LHFPL2: variants seen among roughly 807,000 people sequenced by gnomAD.
The protein encoded by LHFPL2 is LHFPL tetraspan subfamily member 2 protein.
In LHFPL2, 7 loss-of-function variants were observed where a neutral mutation model predicts 17.5. That is an observed-to-expected ratio of 0.40 (90% CI 0.23 to 0.75). The LOEUF (loss-of-function observed/expected upper bound fraction) is 0.75. Ranked by LOEUF, LHFPL2 falls within the 30% of genes least tolerant of loss-of-function variation. The pLI is 0.37. For missense variants in LHFPL2, 241 were observed against 294.8 expected (o/e 0.82, Z 1.34); for synonymous variants, 134 against 116.2 (o/e 1.15, Z -0.99).
intron 3 of LHFPL2, among the ~76,000 whole-genome samples, chr5:78,520,671 G>A (rs1755426106): frequency 6.6e-6 from 1 of 152,204 alleles, no homozygotes; most frequent in African/African-American, 2.4e-5. Flanking sequence ...ACTACACAAT[G>A]GCCCTGGCCA....
At chr5:78,588,430 A>G (rs1743513024) in intron 2 of LHFPL2, among the ~76,000 whole-genome samples, 1 of 152,240 alleles carries the variant, frequency 6.6e-6, no homozygotes, top group African/African-American at 2.4e-5. Flanking sequence ...AGTCAAGTGG[A>G]AAAAGTTCTT....
chr5:78,581,685 G>A (rs1379649010), intron 2 of LHFPL2, among the ~76,000 whole-genome samples: 4 of 149,706 alleles, frequency 2.7e-5, no homozygotes, highest in African/African-American at 4.9e-5. Context: ...TGTTGGATTC[G>A]GTTTCCCAGT....
intron 4 of LHFPL2, 106 bp downstream of exon 4, chr5:78,509,678 G>T: frequency 8.9e-7 from 1 of 1,122,976 alleles, no homozygotes; most frequent in Non-Finnish European, 1.3e-6. Flanking sequence ...GACAGAAAGT[G>T]GTCTTCTCCA....
chr5:78,491,680 C>G (rs1045142613), intron 4 of LHFPL2, among the ~76,000 whole-genome samples: 4 of 152,150 alleles, frequency 2.6e-5, no homozygotes, highest in African/African-American at 7.2e-5. Context: ...AGCTGAGTGA[C>G]CGACATACGA....
intron 1 of LHFPL2, among the ~76,000 whole-genome samples, chr5:78,643,116 A>G (rs1435960516): frequency 6.6e-6 from 1 of 152,168 alleles, no homozygotes; most frequent in Non-Finnish European, 1.5e-5. Context: ...CTCAGTGCTC[A>G]AGACCCCAAA....
intron 4 of LHFPL2, among the ~76,000 whole-genome samples, chr5:78,505,062 G>T (rs1280248346): frequency 6.6e-6 from 1 of 152,176 alleles, no homozygotes; most frequent in East Asian, 1.9e-4. Flanking sequence ...CAGTTTAATG[G>T]CTTCGGTCCC....
intron 2 of LHFPL2, among the ~76,000 whole-genome samples, chr5:78,628,285 A>C (rs757782187): frequency 9.2e-5 from 14 of 152,158 alleles, no homozygotes; most frequent in Non-Finnish European, 1.8e-4. Context: ...CTGCTCCTCT[A>C]ATTTAAGGCC....
intron 2 of LHFPL2, among the ~76,000 whole-genome samples, chr5:78,628,837 A>G (rs1040355228): frequency 6.6e-6 from 1 of 152,246 alleles, no homozygotes; most frequent in African/African-American, 2.4e-5. Flanking sequence ...TCAAGTAAGT[A>G]GATGAAATGC....
At chr5:78,552,852 G>A (rs370114618) in intron 3 of LHFPL2, among the ~76,000 whole-genome samples, 23 of 152,266 alleles carry the variant, frequency 1.5e-4, no homozygotes, top group South Asian at 4.1e-4. Context: ...TCAACAAAGC[G>A]TCACGGGCTA....
intron 3 of LHFPL2, among the ~76,000 whole-genome samples, chr5:78,541,835 C>A (rs1301390115): frequency 6.6e-6 from 1 of 152,212 alleles, no homozygotes; most frequent in Admixed American, 6.5e-5. Context: ...GTGCCTGCGA[C>A]CTGATTAGGA....
intron 4 of LHFPL2, chr5:78,494,640 G>C (rs1365227660): frequency 2.6e-6 from 1 of 385,778 alleles, no homozygotes; most frequent in Non-Finnish European, 3.5e-6. Context: ...CGATGGTCAT[G>C]GTATTGTATT....
intron 1 of LHFPL2, among the ~76,000 whole-genome samples, chr5:78,639,545 T>TGTA (rs1282894952): frequency 1.3e-5 from 2 of 152,136 alleles, no homozygotes; most frequent in Non-Finnish European, 2.9e-5. Flanking sequence ...AAAGGCCCAC[T>TGTA]GTAAGAAGGA....
rs1412178050 is a variant in LHFPL2, at chr5:78,487,010, C to CTCTT, written c.*1883_*1886dup. The CTCTT allele has an allele frequency of 1.1e-4, 17 of 152,310 alleles. No homozygotes were observed. Among genetic ancestry groups the CTCTT allele is most frequent in the Admixed American group, 2.0e-4 (3 of 15,300 alleles). The allele number at this position is 152,310 out of a possible 1,614,324, so 9.4% of individuals were successfully genotyped here. ...AGCTTTGTCCAGTGGCTCCTCCAGCCTCTTTCTGTGTGGTGTTAGAGATAT... is the reference window on the plus strand; with the variant it reads ...AGCTTTGTCCAGTGGCTCCTCCAGCCTCTTTCTTTCTGTGTGGTGTTAGAGATAT... On this transcript the variant is annotated 3_prime_UTR_variant, in exon 5 of 5. Transcript: ENST00000380345.
chr5:78,498,121 G>A (rs192244047), intron 4 of LHFPL2, among the ~76,000 whole-genome samples: 2 of 152,292 alleles, frequency 1.3e-5, no homozygotes, highest in East Asian at 3.9e-4. Context: ...AAAGAGGCAG[G>A]GTGGTAAATA....
chr5:78,523,330 G>A (rs995480104), intron 3 of LHFPL2, among the ~76,000 whole-genome samples: 12 of 152,056 alleles, frequency 7.9e-5, no homozygotes, highest in Non-Finnish European at 1.3e-4. Context: ...AATGGTTTAC[G>A]AGGAACTAGA....
At chr5:78,525,978 G>A (rs1679427580) in intron 3 of LHFPL2, among the ~76,000 whole-genome samples, 1 of 152,168 alleles carries the variant, frequency 6.6e-6, no homozygotes, top group South Asian at 2.1e-4. Flanking sequence ...TCCTATCTGA[G>A]CCTGCTGAAG....
chr5:78,611,945 T>C (rs1208463081), intron 2 of LHFPL2, among the ~76,000 whole-genome samples: 1 of 152,184 alleles, frequency 6.6e-6, no homozygotes, highest in Non-Finnish European at 1.5e-5. Flanking sequence ...AGGAGCTTCA[T>C]GAGTTAAAAA....
chr5:78,616,384 C>T (rs1170277843), intron 2 of LHFPL2, among the ~76,000 whole-genome samples: 1 of 152,172 alleles, frequency 6.6e-6, no homozygotes, highest in Non-Finnish European at 1.5e-5. Flanking sequence ...GCCTCGCCCT[C>T]CCAAAGTGCT....
chr5:78,583,316 C>G (rs1160726757), intron 2 of LHFPL2, among the ~76,000 whole-genome samples: 1 of 151,676 alleles, frequency 6.6e-6, no homozygotes, highest in Non-Finnish European at 1.5e-5. Flanking sequence ...TGAATTTGAT[C>G]CTGTCATTAA....
Sources: gnomAD v4.1 joint callset for allele counts (sites outside exome capture counted in the v4.1 genomes callset) on GRCh38, gnomAD v4.1.1 for gene constraint, MANE v1.5 for transcripts, NCBI Gene and HGNC (gene_info 2026-07-23, HGNC 2026-07-21) for gene names.